AMZ2: variants seen among roughly 807,000 people sequenced by gnomAD.
AMZ2 encodes archaelysin family metallopeptidase 2.
Under a neutral mutation model 36.7 loss-of-function variants are expected in AMZ2, and 26 were observed. That is an observed-to-expected ratio of 0.71 (90% confidence interval 0.52 to 0.98). The LOEUF (loss-of-function observed/expected upper bound fraction) is 0.98. AMZ2 is among the 50% of genes least tolerant of loss of function. The pLI, the probability that AMZ2 is intolerant of heterozygous loss-of-function variation, is 0.00. For missense variants in AMZ2, 394 were observed against 430.5 expected (o/e 0.92, Z 0.75); for synonymous variants, 144 against 149.1 (o/e 0.97, Z 0.25).
In AMZ2 at chr17:68,250,410, A is replaced by G; in HGVS notation, c.223A>G (p.Ser75Gly). Residue 75 changes from serine to glycine, a missense_variant, in exon 2 of 7, where the codon AGT (serine) becomes GGT (glycine). Transcript: ENST00000359904. ...TCCCCAAGACTTTGAACAGTTCTTC[A>G]GTGATCCTTACAGAAAGACACCCTC... ...EAPQDFEQFF[S>G]DPYRKTPSPN... is the part of the protein sequence containing the mutation. 1 of 1,614,204 alleles carries G rather than the reference A, an allele frequency of 6.2e-7. No homozygotes were observed. The highest frequency in any genetic ancestry group is 8.5e-7 in the Non-Finnish European group (1 of 1,180,046).
chr17:68,236,739 A>T (rs1411347534), intron 1 of AMZ2, among the ~76,000 whole-genome samples: 1 of 149,340 alleles, frequency 6.7e-6, no homozygotes, highest in Non-Finnish European at 1.5e-5. Flanking sequence ...ATCCCAGCTA[A>T]TTTTTTTTTT....
At position 68,256,918 on chromosome 17, in the gene AMZ2, T is replaced by A. The variant is rs1319191329; in HGVS notation, c.1032T>A (p.Phe344Leu). Residue 344 changes from phenylalanine to leucine, a missense_variant, in exon 7 of 7, where the codon TTT becomes TTA. Transcript: ENST00000359904. Reference protein sequence around the residue: ...NGNLPKPVEAFKEWKEWIIKC... With the variant: ...NGNLPKPVEALKEWKEWIIKC... ...ATTTACCGAAACCCGTGGAAGCCTT[T>A]AAGGAATGGAAAGAGTGGATAATAA... The A allele has an allele frequency of 2.5e-6, 4 of 1,614,092 alleles. No individual in the cohort carries two copies. The African/African-American group carries it at 5.3e-5, about 22-fold the overall frequency.
At chr17:68,219,181 G>T (rs2073279987) in intron 1 of AMZ2, among the ~76,000 whole-genome samples, 1 of 152,172 alleles carries the variant, frequency 6.6e-6, no homozygotes, top group African/African-American at 2.4e-5. Context: ...TGGCCAGGCT[G>T]GTCTTGAACG....
At chr17:68,223,899 T>TGTATA (rs36111520) in intron 1 of AMZ2, among the ~76,000 whole-genome samples, 1 of 103,868 alleles carries the variant, frequency 9.6e-6, no homozygotes. Context: ...TATATATATA[T>TGTATA]TTTTTTTTGA....
chr17:68,224,278 CT>C, intron 1 of AMZ2, among the ~76,000 whole-genome samples: 1 of 152,194 alleles, frequency 6.6e-6, no homozygotes, highest in African/African-American at 2.4e-5. Flanking sequence ...CTGCATTTTT[CT>C]TTTATTTTGT....
rs2074139802 is a variant in AMZ2 at position 68,248,139 on chromosome 17, G to A, written c.-567G>A. On this transcript the variant is annotated 5_prime_UTR_variant, in exon 1 of 7. Transcript: ENST00000359904. ...AGGGCGGTTCGCGGGTGCTGTCAGA[G>A]CTGGGCCGGGGCCCCTAGGCAGGGT... 4.1e-6 allele frequency: 4 copies of A among 986,550 alleles called. No individual in the cohort carries two copies. The highest frequency in any genetic ancestry group is 6.1e-5 in the Admixed American group (1 of 16,284). The allele number at this position is 986,550 out of a possible 1,614,324, so 61.1% of individuals were successfully genotyped here.
At position 68,255,731 on chromosome 17, in the gene AMZ2, GA is replaced by G. The variant is rs782758115; in HGVS notation, c.783del (p.Leu262CysfsTer25). ...ACCCATGAGATCGGACACATATTTG[GA>G]CTGCGACACTGCCAGTGGCTTGCAT... ...TLTHEIGHIF[G>X]LRHCQWLACL... On this transcript the variant is annotated frameshift_variant, in exon 6 of 7. Coordinates refer to ENST00000359904, the MANE Select transcript of AMZ2 (RefSeq NM_016627.5). LOFTEE classifies it high-confidence loss of function. The G allele has an allele frequency of 2.0e-5, 32 of 1,614,054 alleles. No individual in the cohort carries two copies. The highest frequency in any genetic ancestry group is 2.7e-5 in the Non-Finnish European group (32 of 1,180,038).
At position 68,241,908 on chromosome 17, in the gene AMZ2, C is replaced by CTT. The variant is rs781855396; in HGVS notation, c.-66-6719_-66-6718dup. On this transcript the variant is annotated intron_variant, in intron 1 of 7. Transcript: ENST00000674770. ...CTGGCTAATTTTCTTTTTTCTTTTT[C>CTT]TTTTTTTTTTTTTTGTAGCAGAGAC... Among the ~76,000 whole-genome samples, 11 of 116,180 alleles carry CTT rather than the reference C, an allele frequency of 9.5e-5. No homozygotes were observed. The East Asian group carries it at 1.0e-3, about 11-fold the overall frequency. 76.2% of individuals were successfully genotyped at this position (116,180 alleles called of 152,430 possible).
chr17:68,241,011 G>A (rs1417109478), intron 1 of AMZ2, among the ~76,000 whole-genome samples: 1 of 152,120 alleles, frequency 6.6e-6, no homozygotes, highest in Non-Finnish European at 1.5e-5. Flanking sequence ...GAAAGAGGAA[G>A]ACACAGAATT....
chr17:68,223,671 C>CCAAG (rs2073427064), intron 1 of AMZ2, among the ~76,000 whole-genome samples: 1 of 151,860 alleles, frequency 6.6e-6, no homozygotes, highest in Non-Finnish European at 1.5e-5. Context: ...TCCCAAGTAG[C>CCAAG]TGGGATTACA....
rs781938417 is a variant in AMZ2, at chr17:68,250,305, G to C, written c.118G>C (p.Ala40Pro). Reference sequence around the variant, plus strand: ...TGGGGAACAACGTTTAATGAATGAAGCCTTCCAGCCAGCCAGTGATCTCTT... The same window carrying C: ...TGGGGAACAACGTTTAATGAATGAACCCTTCCAGCCAGCCAGTGATCTCTT... ...NAGEQRLMNE[A>P]FQPASDLFGP... Residue 40 changes from alanine (A) to proline (P), a missense_variant, in exon 2 of 7, where the codon GCC becomes CCC. By Grantham distance (27) the Ala-to-Pro change is conservative. Transcript: ENST00000359904. The C allele has an allele frequency of 6.2e-7, 1 of 1,614,184 alleles. No individual in the cohort carries two copies. Among genetic ancestry groups the C allele is most frequent in the South Asian group, 1.1e-5 (1 of 91,084 alleles).
intron 1 of AMZ2, among the ~76,000 whole-genome samples, chr17:68,228,421 C>T (rs2073571053): frequency 6.6e-6 from 1 of 152,180 alleles, no homozygotes; most frequent in Non-Finnish European, 1.5e-5. Context: ...ACAGCCCAGG[C>T]CCCTGGGATC....
intron 1 of AMZ2, among the ~76,000 whole-genome samples, chr17:68,231,923 A>G (rs1245122888): frequency 2.6e-5 from 4 of 152,126 alleles, no homozygotes; most frequent in Non-Finnish European, 5.9e-5. Flanking sequence ...TGCTTATACT[A>G]AAAAATCACT....
chr17:68,255,294 C>G (rs2074809905), intron 5 of AMZ2, among the ~76,000 whole-genome samples: 1 of 151,496 alleles, frequency 6.6e-6, no homozygotes, highest in Non-Finnish European at 1.5e-5. Context: ...TAGTGTAGAT[C>G]AAGGGTTCTC....
chr17:68,252,784 A>C (rs1490496387), intron 4 of AMZ2, among the ~76,000 whole-genome samples: 2 of 152,100 alleles, frequency 1.3e-5, no homozygotes, highest in African/African-American at 4.8e-5. Context: ...TCAGCCTCCC[A>C]AAGTGCTTTG....
intron 1 of AMZ2, among the ~76,000 whole-genome samples, chr17:68,216,611 A>G (rs563286003): frequency 2.0e-5 from 3 of 152,226 alleles, no homozygotes; most frequent in Admixed American, 6.5e-5. Context: ...ACTGTAGTCT[A>G]TAGAGTTTTC....
upstream of AMZ2, chr17:68,247,860 C>T: frequency 5.1e-6 from 5 of 985,514 alleles, no homozygotes; most frequent in Non-Finnish European, 6.0e-6. Flanking sequence ...CCTCGCTACC[C>T]TCTATTCTGG....
intron 4 of AMZ2, among the ~76,000 whole-genome samples, chr17:68,254,016 A>T (rs1252944169): frequency 6.6e-5 from 10 of 152,128 alleles, no homozygotes; most frequent in Admixed American, 6.5e-4. Flanking sequence ...AAGTCCTAGG[A>T]TTACAATCGT....
At chr17:68,251,316 G>A in intron 4 of AMZ2, 138 bp downstream of exon 4, 1 of 951,456 alleles carries the variant, frequency 1.1e-6, no homozygotes, top group Non-Finnish European at 1.5e-6. Context: ...TGCCATAATG[G>A]GAAGTGTGCT....
Sources: allele counts gnomAD v4.1 joint callset (sites outside exome capture counted in the v4.1 genomes callset), GRCh38; gene constraint gnomAD v4.1.1; transcripts MANE v1.5; gene names NCBI Gene and HGNC (gene_info 2026-07-23, HGNC 2026-07-21).